The following PLCB4 variants were observed in gnomAD, a reference collection of about 807,000 sequenced individuals.
PLCB4 encodes the protein phospholipase C beta 4, also known as 1-phosphatidylinositol 4,5-bisphosphate phosphodiesterase beta-4.
In PLCB4, 77 loss-of-function variants were observed where a neutral mutation model predicts 178.8. The observed-to-expected ratio is 0.43, with a 90% confidence interval of 0.36 to 0.52. The LOEUF is 0.52. Among genes scored for constraint, PLCB4 ranks in the 20% least tolerant of loss-of-function variants. The probability of loss-of-function intolerance (pLI) is 0.00; values close to 1 mark genes in which losing one functional copy is unlikely to be tolerated. For synonymous variants in PLCB4, 496 were observed against 490.8 expected (o/e 1.01, Z -0.14); for missense variants, 1,024 against 1,453.4 (o/e 0.70, Z 4.80).
chr20:9,084,704 A>C (rs1355245607), intron 1 of PLCB4, among the ~76,000 whole-genome samples: 2 of 152,260 alleles, frequency 1.3e-5, no homozygotes, highest in Non-Finnish European at 2.9e-5. Context: ...TTGAGGTTAT[A>C]AAACAGCAAA....
At chr20:9,113,865 G>A (rs1160748184) in intron 2 of PLCB4, among the ~76,000 whole-genome samples, 1 of 152,090 alleles carries the variant, frequency 6.6e-6, no homozygotes, top group African/African-American at 2.4e-5. Context: ...TGTGTTGCAT[G>A]CAGCAGGGTA....
intron 2 of PLCB4, among the ~76,000 whole-genome samples, chr20:9,115,286 G>A (rs539400577): frequency 3.1e-4 from 47 of 152,180 alleles, no homozygotes; most frequent in African/African-American, 1.1e-3. Context: ...CATAGAAACT[G>A]AGGTGGAATG....
At chr20:9,470,388 C>T (rs1343478089) in intron 36 of PLCB4, among the ~76,000 whole-genome samples, 1 of 151,756 alleles carries the variant, frequency 6.6e-6, no homozygotes, top group Non-Finnish European at 1.5e-5. Context: ...AGATAAGCAA[C>T]TTTGTTTAAG....
chr20:9,420,095 G>A (rs774670787), intron 26 of PLCB4, among the ~76,000 whole-genome samples, 186 bp downstream of exon 26: 11 of 152,140 alleles, frequency 7.2e-5, no homozygotes, highest in African/African-American at 2.7e-4. Flanking sequence ...GCTACTTAAA[G>A]TGAAAGATAC....
rs193071326 is a variant in PLCB4, at chr20:9,356,879, G to T, written c.370-6017G>T. On this transcript the variant is annotated intron_variant, in intron 7 of 39. Transcript: ENST00000378473. ...GCCTGTAATCCCAGCACTTTAGGAG[G>T]CCGAAGCAGATACATAGCTTGAGCC... 3.5e-3 allele frequency among the ~76,000 whole-genome samples: 531 copies of T among 152,242 alleles called. 3 individuals are homozygous for T. Among genetic ancestry groups the T allele is most frequent in the African/African-American group, 0.011 (462 of 41,542 alleles).
At chr20:9,091,542 G>C (rs1338065383) in intron 1 of PLCB4, among the ~76,000 whole-genome samples, 1 of 151,704 alleles carries the variant, frequency 6.6e-6, no homozygotes, top group Non-Finnish European at 1.5e-5. Flanking sequence ...TCCTAGGTTT[G>C]AGTATCCAGT....
intron 7 of PLCB4, among the ~76,000 whole-genome samples, chr20:9,347,268 C>T (rs922598481): frequency 1.3e-5 from 2 of 152,094 alleles, no homozygotes; most frequent in Non-Finnish European, 2.9e-5. Flanking sequence ...AAAACATGGG[C>T]CTGAGGTTTC....
At chr20:9,277,535 AG>A (rs1247030773) in intron 3 of PLCB4, among the ~76,000 whole-genome samples, 1 of 152,044 alleles carries the variant, frequency 6.6e-6, no homozygotes, top group Non-Finnish European at 1.5e-5. Flanking sequence ...GATTTCCTGC[AG>A]TAGTCTAATT....
chr20:9,393,930 T>C (rs532206729), intron 18 of PLCB4, among the ~76,000 whole-genome samples: 3 of 152,174 alleles, frequency 2.0e-5, no homozygotes, highest in South Asian at 2.1e-4. Flanking sequence ...CCAAGGAAAA[T>C]TGAGAGGAAA....
intron 34 of PLCB4, 73 bp downstream of exon 34, chr20:9,457,562 T>A: frequency 1.3e-6 from 1 of 793,328 alleles, no homozygotes; most frequent in Non-Finnish European, 2.3e-6. Context: ...GAGTACCTAG[T>A]GTAAATTAGA....
At chr20:9,223,150 A>C (rs1413382225) in intron 3 of PLCB4, among the ~76,000 whole-genome samples, 2 of 152,134 alleles carry the variant, frequency 1.3e-5, no homozygotes, top group African/African-American at 4.8e-5. Flanking sequence ...CTATATATGT[A>C]TATCGTGTGT....
chr20:9,316,123 G>A (rs936387118), intron 4 of PLCB4, among the ~76,000 whole-genome samples: 2 of 152,078 alleles, frequency 1.3e-5, no homozygotes, highest in Non-Finnish European at 2.9e-5. Context: ...TGAGAAGCAG[G>A]CAGAAGCCCC....
intron 28 of PLCB4, among the ~76,000 whole-genome samples, chr20:9,430,095 T>A (rs904773995): frequency 6.6e-6 from 1 of 151,962 alleles, no homozygotes; most frequent in Non-Finnish European, 1.5e-5. Context: ...ATTTAAAAAA[T>A]AAAAATAAAA....
chr20:9,167,337 G>A (rs929441425), intron 2 of PLCB4, among the ~76,000 whole-genome samples: 10 of 152,042 alleles, frequency 6.6e-5, no homozygotes, highest in Non-Finnish European at 1.3e-4. Flanking sequence ...CACAGATGAT[G>A]TTAAACTTTT....
intron 2 of PLCB4, among the ~76,000 whole-genome samples, chr20:9,110,247 C>A (rs1020370165): frequency 4.6e-5 from 7 of 151,380 alleles, no homozygotes; most frequent in African/African-American, 1.7e-4. Flanking sequence ...AGAAGAAATG[C>A]CAAAAATATA....
intron 30 of PLCB4, among the ~76,000 whole-genome samples, chr20:9,442,994 A>G (rs1447411848): frequency 6.6e-6 from 1 of 152,182 alleles, no homozygotes; most frequent in African/African-American, 2.4e-5. Context: ...CACAGAGTAC[A>G]CATTCATTTT....
intron 2 of PLCB4, among the ~76,000 whole-genome samples, chr20:9,102,131 C>G (rs920574267): frequency 6.6e-6 from 1 of 152,170 alleles, no homozygotes; most frequent in African/African-American, 2.4e-5. Flanking sequence ...AGGCATGAGC[C>G]ACCGCACCTG....
At chr20:9,135,531 A>G (rs928561280) in intron 2 of PLCB4, among the ~76,000 whole-genome samples, 8 of 152,068 alleles carry the variant, frequency 5.3e-5, no homozygotes, top group African/African-American at 1.9e-4. Context: ...GAGGGTATTA[A>G]TTTATAAGAA....
At chr20:9,129,646 T>C (rs2092223054) in intron 2 of PLCB4, among the ~76,000 whole-genome samples, 1 of 152,210 alleles carries the variant, frequency 6.6e-6, no homozygotes, top group African/African-American at 2.4e-5. Context: ...GATTTCAATA[T>C]GTGTGGTGGA....
Sources: allele counts gnomAD v4.1 joint callset (sites outside exome capture counted in the v4.1 genomes callset), GRCh38; gene constraint gnomAD v4.1.1; transcripts MANE v1.5; gene names NCBI Gene and HGNC (gene_info 2026-07-23, HGNC 2026-07-21).